Variants in FBXW7 observed in about 807,000 individuals in gnomAD.
FBXW7 encodes the protein F-box/WD repeat-containing protein 7.
In FBXW7, 11 loss-of-function variants were observed where a neutral mutation model predicts 86.3. The observed-to-expected ratio is 0.13, with a 90% CI of 0.08 to 0.21. FBXW7 has a LOEUF of 0.21. Among genes scored for constraint, FBXW7 ranks in the 10% least tolerant of loss-of-function variants. FBXW7 has a pLI of 1.00. For missense variants in FBXW7, 488 were observed against 847.4 expected, an observed-to-expected ratio of 0.58 and a Z score of 5.27; for synonymous variants, 313 against 297.9, an observed-to-expected ratio of 1.05 and a Z score of -0.52.
intron 2 of FBXW7, among the ~76,000 whole-genome samples, chr4:152,471,579 GGGAAAGAGGGAAAGAGAGAAAGAA>G (rs1166731292): frequency 6.6e-6 from 1 of 151,470 alleles, no homozygotes; most frequent in Admixed American, 6.6e-5. Flanking sequence ...GAAAGAGAGA[GGGAAAGAGGGAAAGAGAGAAAGAA>G]GGAAAGAAGG....
At position 152,535,973 on chromosome 4, in the gene FBXW7, C is replaced by G; in HGVS notation, c.-1059G>C. 3.7e-6 allele frequency: 1 copy of G among 270,306 alleles called. No individual in the cohort carries two copies. Among genetic ancestry groups the G allele is most frequent in the South Asian group, 8.2e-5 (1 of 12,146 alleles). The allele number at this position is 270,306 out of a possible 1,614,324, so 16.7% of individuals were successfully genotyped here. A position where few individuals can be genotyped will look rare whatever the true frequency, so the allele number is the denominator to read the frequency against. On this transcript the variant is annotated 5_prime_UTR_variant, in exon 1 of 14. Transcript: ENST00000281708. Reference sequence around the variant, plus strand: ...GCCAGTGCAGGGGGACTGGATCTCTCGGATGCTCCTTCGCTCTCAGTCTCA... The same window carrying G: ...GCCAGTGCAGGGGGACTGGATCTCTGGGATGCTCCTTCGCTCTCAGTCTCA...
chr4:152,501,563 A>G (rs1329148432), intron 2 of FBXW7, among the ~76,000 whole-genome samples: 1 of 152,202 alleles, frequency 6.6e-6, no homozygotes, highest in African/African-American at 2.4e-5. Flanking sequence ...GAGGAGTTGA[A>G]GTACTTAATT....
At chr4:152,407,775 G>T (rs1172350315) in intron 4 of FBXW7, among the ~76,000 whole-genome samples, 1 of 152,088 alleles carries the variant, frequency 6.6e-6, no homozygotes, top group Non-Finnish European at 1.5e-5. Context: ...CTGTGGCCCA[G>T]ATCACTGCAG....
At chr4:152,455,744 C>T (rs1443385250) in intron 2 of FBXW7, among the ~76,000 whole-genome samples, 1 of 152,112 alleles carries the variant, frequency 6.6e-6, no homozygotes, top group African/African-American at 2.4e-5. Context: ...ATCTCATGGC[C>T]TTAGCTCATG....
intron 2 of FBXW7, among the ~76,000 whole-genome samples, chr4:152,451,411 A>G (rs1227828527): frequency 6.6e-6 from 1 of 152,230 alleles, no homozygotes; most frequent in Non-Finnish European, 1.5e-5. Flanking sequence ...ATCTACAAAC[A>G]CAACCCTGAA....
intron 4 of FBXW7, among the ~76,000 whole-genome samples, chr4:152,364,010 G>A (rs1433605584): frequency 6.6e-6 from 1 of 152,172 alleles, no homozygotes; most frequent in African/African-American, 2.4e-5. Context: ...ATGTGAATAT[G>A]AAATCCACAC....
intron 4 of FBXW7, among the ~76,000 whole-genome samples, chr4:152,365,633 G>A (rs2126715519): frequency 6.6e-6 from 1 of 152,280 alleles, no homozygotes; most frequent in South Asian, 2.1e-4. Context: ...TGGATAACAA[G>A]GACTGGGTTA....
chr4:152,454,359 G>T (rs571569208), intron 2 of FBXW7, among the ~76,000 whole-genome samples: 1 of 140,438 alleles, frequency 7.1e-6, no homozygotes, highest in Non-Finnish European at 1.5e-5. Context: ...CACTTACCTT[G>T]TACCCCAGTC....
intron 2 of FBXW7, among the ~76,000 whole-genome samples, chr4:152,415,064 C>T (rs1374628161): frequency 1.3e-5 from 2 of 152,034 alleles, no homozygotes; most frequent in East Asian, 3.8e-4. Flanking sequence ...TTTGATAATT[C>T]AAAACCATTT....
At chr4:152,343,772 C>T (rs2126619156) in intron 6 of FBXW7, among the ~76,000 whole-genome samples, 1 of 152,114 alleles carries the variant, frequency 6.6e-6, no homozygotes, top group African/African-American at 2.4e-5. Flanking sequence ...ATCTGACTGC[C>T]ATACAAAGTG....
At position 152,468,114 on chromosome 4, in the gene FBXW7, T is replaced by G. The variant is rs535609719; in HGVS notation, c.-119-55585A>C. 7.9e-4 allele frequency among the ~76,000 whole-genome samples: 121 copies of G among 152,252 alleles called. 1 individual carries two copies. Among genetic ancestry groups the G allele is most frequent in the Middle Eastern group, 6.8e-3 (2 of 294 alleles). On this transcript the variant is annotated intron_variant, in intron 2 of 13. Transcript: ENST00000281708. ...CAATGGGATACAACTTCATACCTACTAGAATGGCTGAAATACAAAAGACTG... is the reference window on the plus strand; with the variant it reads ...CAATGGGATACAACTTCATACCTACGAGAATGGCTGAAATACAAAAGACTG...
chr4:152,382,315 AGGTTTTCCC>A, intron 4 of FBXW7: 7 of 1,583,660 alleles, frequency 4.4e-6, no homozygotes, highest in Non-Finnish European at 6.0e-6. Context: ...GGTTTAGAGT[AGGTTTTCCC>A]GGTTTTGACA....
At chr4:152,388,279 G>A (rs576729974) in intron 4 of FBXW7, among the ~76,000 whole-genome samples, 4 of 152,132 alleles carry the variant, frequency 2.6e-5, no homozygotes, top group South Asian at 2.1e-4. Flanking sequence ...CAACAAGGGC[G>A]GCCCCTAACT....
chr4:152,451,401 A>T (rs1264059283), intron 2 of FBXW7, among the ~76,000 whole-genome samples: 1 of 152,202 alleles, frequency 6.6e-6, no homozygotes, highest in African/African-American at 2.4e-5. Flanking sequence ...AAGATGTGAA[A>T]TCTACAAACA....
At chr4:152,445,167 T>C (rs1741258682) in intron 2 of FBXW7, among the ~76,000 whole-genome samples, 1 of 152,162 alleles carries the variant, frequency 6.6e-6, no homozygotes, top group East Asian at 1.9e-4. Context: ...ATAGTACAAA[T>C]ATGCTTTATA....
At chr4:152,382,537 C>T (rs999553289) in intron 4 of FBXW7, 83 of 1,127,232 alleles carry the variant, frequency 7.4e-5, no homozygotes, top group Middle Eastern at 3.6e-4. Flanking sequence ...TGCAAACTAT[C>T]CTAGAATAGC....
intron 2 of FBXW7, among the ~76,000 whole-genome samples, chr4:152,438,060 G>A (rs1253189989): frequency 6.6e-6 from 1 of 151,998 alleles, no homozygotes; most frequent in Non-Finnish European, 1.5e-5. Flanking sequence ...TGTAATCCCA[G>A]CTACTTGGAA....
At chr4:152,431,614 T>C (rs1019686329) in intron 2 of FBXW7, among the ~76,000 whole-genome samples, 3 of 152,090 alleles carry the variant, frequency 2.0e-5, no homozygotes, top group Non-Finnish European at 2.9e-5. Flanking sequence ...AGGAGCACAG[T>C]CCAAAACAAT....
chr4:152,389,245 A>G (rs1043271006), intron 4 of FBXW7, among the ~76,000 whole-genome samples: 2 of 152,114 alleles, frequency 1.3e-5, no homozygotes, highest in Non-Finnish European at 2.9e-5. Flanking sequence ...GAGAACTAAT[A>G]ATAGAACTAT....
Sources: allele counts gnomAD v4.1 joint callset (sites outside exome capture counted in the v4.1 genomes callset), GRCh38; gene constraint gnomAD v4.1.1; transcripts MANE v1.5; gene names NCBI Gene and HGNC (gene_info 2026-07-23, HGNC 2026-07-21).